Variants in RIPOR2 observed in about 807,000 individuals in gnomAD.
The protein encoded by RIPOR2 is RHO family interacting cell polarization regulator 2, also known as rho family-interacting cell polarization regulator 2.
Under a neutral mutation model 114.5 loss-of-function variants are expected in RIPOR2, and 39 were observed. That is an observed-to-expected ratio of 0.34 (90% CI 0.26 to 0.44). The LOEUF (loss-of-function observed/expected upper bound fraction) is 0.44. Ranked by LOEUF, RIPOR2 falls within the 20% of genes least tolerant of loss-of-function variation. The pLI is 1.00. For missense variants in RIPOR2, 1,007 were observed against 1,255.1 expected (o/e 0.80, Z 2.99); for synonymous variants, 445 against 484.4 (o/e 0.92, Z 1.07).
At chr6:24,969,552 G>A (rs888366095) in intron 1 of RIPOR2, among the ~76,000 whole-genome samples, 1 of 152,190 alleles carries the variant, frequency 6.6e-6, no homozygotes, top group African/African-American at 2.4e-5. Context: ...GGAGTGGGGT[G>A]TGAGGCCCCA....
intron 1 of RIPOR2, among the ~76,000 whole-genome samples, chr6:24,897,155 G>C (rs575052207): frequency 6.6e-6 from 1 of 152,236 alleles, no homozygotes; most frequent in Non-Finnish European, 1.5e-5. Flanking sequence ...GAATGTGGGT[G>C]TTGAGTCTAA....
rs925346991 is a variant in RIPOR2, at chr6:24,843,105, C to T, written c.1614G>A (p.Ser538=). 20 of 1,613,830 alleles carry T rather than the reference C, an allele frequency of 1.2e-5. No homozygotes were observed. The Admixed American group carries it at 1.3e-4, about 11-fold the overall frequency. Residue 538 remains serine, a synonymous_variant, in exon 13 of 22, where the codon TCG becomes TCA. Coordinates refer to ENST00000643898, the MANE Select transcript of RIPOR2 (RefSeq NM_001286445.3). The part of the protein sequence containing the change: ...SELKPVELDT[S]EGNITKQLVK... ...CCAGCTGCTTTGTGATGTTTCCTTCCGAAGTGTCCAGTTCCACAGGCTTGA... is the reference window on the plus strand; with the variant it reads ...CCAGCTGCTTTGTGATGTTTCCTTCTGAAGTGTCCAGTTCCACAGGCTTGA...
chr6:24,830,457 G>GCC, intron 17 of RIPOR2, 52 bp downstream of exon 17: 1 of 1,128,306 alleles, frequency 8.9e-7, no homozygotes, highest in East Asian at 3.0e-5. Context: ...CCACCCCAAT[G>GCC]CCCACTCTCA....
Position 24,865,108 on chromosome 6 carries a change from C to A in RIPOR2, c.651+193G>T, listed in dbSNP as rs116047965. ...GACTACAGGCACATGCCGCCACTCC[C>A]AGCTTATTCATTCATTTTAAGCAAT... is the stretch of plus-strand genomic sequence containing the variant. On this transcript the variant is annotated intron_variant, in intron 7 of 21. Transcript: ENST00000643898. 0.039 allele frequency among the ~76,000 whole-genome samples: 5,907 copies of A among 152,266 alleles called. 301 individuals carry two copies. Among genetic ancestry groups the A allele is most frequent in the African/African-American group, 0.12 (4,904 of 41,532 alleles).
chr6:24,881,677 A>G (rs1456514974), intron 1 of RIPOR2, among the ~76,000 whole-genome samples: 2 of 150,786 alleles, frequency 1.3e-5, no homozygotes, highest in Non-Finnish European at 2.9e-5. Context: ...AAATTATAAT[A>G]AGTATAAGAT....
chr6:24,847,528 C>A (rs1251262018), intron 12 of RIPOR2: 2 of 1,549,700 alleles, frequency 1.3e-6, no homozygotes, highest in Admixed American at 3.9e-5. Flanking sequence ...CATACCCGGG[C>A]AGGCCACACT....
At chr6:25,041,859 T>G (rs1777471025) in exon 1 of RIPOR2, 1 of 702,800 alleles carries the variant, frequency 1.4e-6, no homozygotes. Flanking sequence ...ACGGTTGAGC[T>G]GGCGCCTCCG....
chr6:24,848,054 T>C lies in RIPOR2; in HGVS notation c.1135A>G (p.Thr379Ala). The C allele has an allele frequency of 6.2e-7, 1 of 1,613,906 alleles. No homozygotes were observed. Among genetic ancestry groups the C allele is most frequent in the Non-Finnish European group, 8.5e-7 (1 of 1,179,848 alleles). ...AAGGAGTGGTCTTTGAAGGTGGGCG[T>C]TTCCGGGGTACCCTGGCTGTACATG... Reference protein sequence around the residue: ...MSMYSQGTPETPTFKDHSFFS... With the variant: ...MSMYSQGTPEAPTFKDHSFFS... The change falls in exon 12 of 22, where the codon ACG becomes GCG. Residue 379 changes from threonine (T) to alanine (A), a missense_variant. Physicochemically the swap from Thr to Ala is moderately conservative, Grantham distance 58. Coordinates refer to ENST00000643898, the MANE Select transcript of RIPOR2 (RefSeq NM_001286445.3).
intron 1 of RIPOR2, among the ~76,000 whole-genome samples, chr6:25,038,342 G>A (rs1319186003): frequency 2.6e-5 from 4 of 152,068 alleles, no homozygotes; most frequent in African/African-American, 9.7e-5. Flanking sequence ...TAAATATGAT[G>A]AGATTTTACT....
At chr6:24,976,271 A>G (rs1774036916) in intron 1 of RIPOR2, 1 of 621,408 alleles carries the variant, frequency 1.6e-6, no homozygotes, top group Non-Finnish European at 2.8e-6. Flanking sequence ...AGTTACATAT[A>G]TTAGAACGTA....
At chr6:24,909,236 A>G (rs1419605304) in intron 1 of RIPOR2, among the ~76,000 whole-genome samples, 2 of 152,138 alleles carry the variant, frequency 1.3e-5, no homozygotes, top group African/African-American at 4.8e-5. Context: ...GGAGTTCCTC[A>G]AGCTGCTGTT....
chr6:24,867,808 TTAAA>T (rs1764775207), intron 6 of RIPOR2, among the ~76,000 whole-genome samples: 1 of 152,224 alleles, frequency 6.6e-6, no homozygotes, highest in Non-Finnish European at 1.5e-5. Flanking sequence ...CAGTGGCTCA[TTAAA>T]TAAACTGATT....
chr6:24,943,527 A>G (rs1270770130), intron 1 of RIPOR2, among the ~76,000 whole-genome samples: 1 of 152,224 alleles, frequency 6.6e-6, no homozygotes, highest in Admixed American at 6.5e-5. Context: ...CATAAAAGCA[A>G]TAAGAAACTG....
intron 1 of RIPOR2, among the ~76,000 whole-genome samples, chr6:25,032,799 A>G (rs1475372260): frequency 6.6e-6 from 1 of 152,262 alleles, no homozygotes. Flanking sequence ...CCCAAACTCT[A>G]CAAGCTTTCA....
rs776550242 is a variant in RIPOR2, at chr6:24,839,636, A to C, written c.1858-364T>G. On this transcript the variant is annotated intron_variant, in intron 13 of 21. Coordinates refer to ENST00000643898, the MANE Select transcript of RIPOR2 (RefSeq NM_001286445.3). ...TTTTATAACAAAAAGTTGAAAAAAA[A>C]CAAAAAAAACAAAAAACAAAACCAT... is the stretch of plus-strand genomic sequence containing the variant. 40 of 1,539,990 alleles carry C rather than the reference A, an allele frequency of 2.6e-5. 1 individual carries two copies. The South Asian group carries it at 3.0e-4, about 11-fold the overall frequency.
At chr6:24,963,192 C>T (rs557389159) in intron 1 of RIPOR2, among the ~76,000 whole-genome samples, 8 of 152,256 alleles carry the variant, frequency 5.3e-5, no homozygotes, top group Non-Finnish European at 8.8e-5. Context: ...CCACCACACC[C>T]AGCTAATTTT....
At chr6:25,005,344 A>G (rs1013316182) in intron 1 of RIPOR2, among the ~76,000 whole-genome samples, 1 of 152,170 alleles carries the variant, frequency 6.6e-6, no homozygotes, top group Non-Finnish European at 1.5e-5. Flanking sequence ...AGCAGATTAC[A>G]AATCAATTTA....
At chr6:24,833,044 G>T (rs1317135242) in intron 15 of RIPOR2, among the ~76,000 whole-genome samples, 2 of 152,138 alleles carry the variant, frequency 1.3e-5, no homozygotes, top group African/African-American at 4.8e-5. Flanking sequence ...AGTTGTAAGT[G>T]GGTTTATTTG....
At chr6:24,936,110 T>C, upstream of RIPOR2, 1 of 510,236 alleles carries the variant, frequency 2.0e-6, no homozygotes, top group Non-Finnish European at 3.5e-6. Flanking sequence ...TTCTCACCAC[T>C]GAGGAGAAAG....
Sources: allele counts gnomAD v4.1 joint callset (sites outside exome capture counted in the v4.1 genomes callset), GRCh38; gene constraint gnomAD v4.1.1; transcripts MANE v1.5; gene names NCBI Gene and HGNC (gene_info 2026-07-23, HGNC 2026-07-21).